PNPLA8: variants seen among roughly 807,000 people sequenced by gnomAD.
PNPLA8 encodes patatin like domain 8, phospholipase A2.
Under a neutral mutation model 76.9 loss-of-function variants are expected in PNPLA8, and 39 were observed. The ratio of observed to expected loss-of-function variants is 0.51; its 90% confidence interval spans 0.39 to 0.66. The LOEUF is 0.66. Among genes scored for constraint, PNPLA8 ranks in the 30% least tolerant of loss-of-function variants. The pLI is 0.00. For synonymous variants in PNPLA8, 301 were observed against 307.9 expected, an observed-to-expected ratio of 0.98 and a Z score of 0.24; for missense variants, 887 against 918.0, an observed-to-expected ratio of 0.97 and a Z score of 0.44.
intron 9 of PNPLA8, chr7:108,480,718 C>T (rs1166837882): frequency 4.8e-6 from 2 of 420,354 alleles, no homozygotes; most frequent in Non-Finnish European, 9.8e-6. Context: ...TGTAAAGCAG[C>T]TCATTTCATT....
Position 108,517,807 on chromosome 7 carries a change from T to A in PNPLA8, c.-83-2233A>T, listed in dbSNP as rs139765074. Among the ~76,000 whole-genome samples, 9 of 152,298 alleles carry A rather than the reference T, an allele frequency of 5.9e-5. No individual in the cohort carries two copies. The East Asian group carries it at 1.7e-3, about 29-fold the overall frequency. The stretch of plus-strand genomic sequence containing the variant: ...TTTATAGAGACAGGGTCTCACTCTG[T>A]CACCCAGGCTGGAGTGCAGTGGCAT... On this transcript the variant is annotated intron_variant, in intron 2 of 10. Coordinates refer to ENST00000257694, the MANE Select transcript of PNPLA8 (RefSeq NM_001256007.3).
intron 10 of PNPLA8, among the ~76,000 whole-genome samples, chr7:108,475,375 A>T (rs1859915435): frequency 1.3e-5 from 2 of 152,032 alleles, no homozygotes; most frequent in Non-Finnish European, 1.5e-5. Flanking sequence ...AGTCCTTGGG[A>T]CCAAAGAGGT....
intron 4 of PNPLA8, among the ~76,000 whole-genome samples, chr7:108,504,416 C>T (rs946552484): frequency 2.0e-4 from 26 of 130,152 alleles, no homozygotes; most frequent in Middle Eastern, 4.5e-3. Context: ...TAAAATCATT[C>T]CAATGGAAGA....
intron 4 of PNPLA8, among the ~76,000 whole-genome samples, chr7:108,511,273 G>A (rs2154516487): frequency 6.6e-6 from 1 of 152,246 alleles, no homozygotes; most frequent in African/African-American, 2.4e-5. Context: ...AAATGATTAG[G>A]TTAATGGTTG....
chr7:108,502,668 T>C (rs1158507070), intron 4 of PNPLA8, 26 bp from the exon 5 acceptor site: 2 of 1,575,284 alleles, frequency 1.3e-6, no homozygotes, highest in Non-Finnish European at 8.7e-7. Flanking sequence ...AGATACTTTG[T>C]TGCTTTTGTC....
chr7:108,507,608 T>G (rs1862554976), intron 4 of PNPLA8, among the ~76,000 whole-genome samples: 1 of 151,994 alleles, frequency 6.6e-6, no homozygotes, highest in South Asian at 2.1e-4. Context: ...ACTATGGCAC[T>G]GCATTCCAGC....
At chr7:108,497,689 A>G in intron 5 of PNPLA8, 112 bp from the exon 6 acceptor site, 2 of 484,648 alleles carry the variant, frequency 4.1e-6, no homozygotes, top group East Asian at 7.1e-5. Flanking sequence ...GCTAACATGA[A>G]AATTAATAAT....
chr7:108,495,279 T>G (rs1295053704), intron 7 of PNPLA8, among the ~76,000 whole-genome samples: 1 of 152,200 alleles, frequency 6.6e-6, no homozygotes, highest in African/African-American at 2.4e-5. Context: ...TATTTTGAAC[T>G]GCAAGAGTAT....
chr7:108,497,287 A>C (rs1046678130), intron 6 of PNPLA8, among the ~76,000 whole-genome samples, 196 bp downstream of exon 6: 26 of 152,344 alleles, frequency 1.7e-4, no homozygotes, highest in African/African-American at 6.3e-4. Context: ...TCTAGCTATA[A>C]TAGGTAGGAC....
intron 4 of PNPLA8, among the ~76,000 whole-genome samples, chr7:108,503,573 C>T (rs143565397): frequency 4.9e-4 from 74 of 152,224 alleles, no homozygotes; most frequent in Middle Eastern, 6.8e-3. Context: ...TACAGATCAA[C>T]GCTCACATCA....
chr7:108,515,892 T>TC (rs1386567383), intron 2 of PNPLA8, among the ~76,000 whole-genome samples: 1 of 152,246 alleles, frequency 6.6e-6, no homozygotes, highest in Non-Finnish European at 1.5e-5. Context: ...TGCTTTTTTT[T>TC]CCCTTCCTCA....
intron 10 of PNPLA8, among the ~76,000 whole-genome samples, chr7:108,477,632 G>A (rs755853081): frequency 2.0e-5 from 3 of 152,176 alleles, no homozygotes; most frequent in Non-Finnish European, 4.4e-5. Flanking sequence ...GGCCAAGGCA[G>A]GAGGATCACT....
intron 9 of PNPLA8, among the ~76,000 whole-genome samples, chr7:108,486,604 A>C (rs1362307809): frequency 1.3e-5 from 2 of 152,120 alleles, no homozygotes; most frequent in Non-Finnish European, 2.9e-5. Context: ...TTAATCTCTT[A>C]ACTACAAATA....
intron 2 of PNPLA8, among the ~76,000 whole-genome samples, chr7:108,519,972 G>C (rs930882057): frequency 1.3e-5 from 2 of 152,092 alleles, no homozygotes; most frequent in Admixed American, 6.5e-5. Context: ...CCAACTCTCC[G>C]TCCATTCCTT....
intron 4 of PNPLA8, among the ~76,000 whole-genome samples, chr7:108,507,032 A>T (rs1223418878): frequency 6.6e-6 from 1 of 152,100 alleles, no homozygotes; most frequent in Non-Finnish European, 1.5e-5. Context: ...AGAAGGGGAG[A>T]AAATAGATCA....
At chr7:108,496,117 C>T (rs1006857432) in intron 7 of PNPLA8, among the ~76,000 whole-genome samples, 3 of 152,080 alleles carry the variant, frequency 2.0e-5, no homozygotes, top group Admixed American at 1.3e-4. Context: ...CACGTGTGGT[C>T]CCAGCTACTT....
rs184579404 is a variant in PNPLA8 at position 108,484,670 on chromosome 7, T to A, written c.1878+3089A>T. ...ATCAAGTCAGATGACAACTTCTTTG[T>A]TAAGCTGACCCTGACAGAATAAATC... On this transcript the variant is annotated intron_variant, in intron 9 of 10. Coordinates refer to ENST00000257694, the MANE Select transcript of PNPLA8 (RefSeq NM_001256007.3). Among the ~76,000 whole-genome samples, 122 of 152,346 alleles carry A rather than the reference T, an allele frequency of 8.0e-4. 2 individuals are homozygous for A. Among genetic ancestry groups the A allele is most frequent in the Non-Finnish European group, 6.5e-4 (44 of 68,032 alleles).
At chr7:108,499,304 TAAC>T (rs1439860968) in intron 5 of PNPLA8, among the ~76,000 whole-genome samples, 1 of 152,226 alleles carries the variant, frequency 6.6e-6, no homozygotes, top group Non-Finnish European at 1.5e-5. Context: ...TTGGGAAACT[TAAC>T]TATTTAAAAA....
At chr7:108,508,007 T>C (rs1457127077) in intron 4 of PNPLA8, among the ~76,000 whole-genome samples, 5 of 100,702 alleles carry the variant, frequency 5.0e-5, no homozygotes, top group Non-Finnish European at 9.9e-5. Context: ...ATAAATTAGG[T>C]ATTGATGGGA....
Sources: gnomAD v4.1 joint callset for allele counts (sites outside exome capture counted in the v4.1 genomes callset) on GRCh38, gnomAD v4.1.1 for gene constraint, MANE v1.5 for transcripts, NCBI Gene and HGNC (gene_info 2026-07-23, HGNC 2026-07-21) for gene names.